MYO15A: variants seen among roughly 807,000 people sequenced by gnomAD.
MYO15A encodes myosin XVA, also known as unconventional myosin-XV.
MYO15A carries 308 observed loss-of-function variants against 394.6 expected under a neutral mutation model. The ratio of observed to expected loss-of-function variants is 0.78; its 90% confidence interval spans 0.71 to 0.86. The LOEUF is 0.86. Among genes scored for constraint, MYO15A ranks in the 40% least tolerant of loss-of-function variants. The pLI, the probability that MYO15A is intolerant of heterozygous loss-of-function variation, is 0.00. For synonymous variants in MYO15A, 1,957 were observed against 2,003.8 expected (o/e 0.98, Z 0.62); for missense variants, 4,606 against 4,799.1 (o/e 0.96, Z 1.19).
At chr17:18,140,045 C>G (rs2046350755) in intron 19 of MYO15A, among the ~76,000 whole-genome samples, 1 of 152,230 alleles carries the variant, frequency 6.6e-6, no homozygotes, top group African/African-American at 2.4e-5. Flanking sequence ...CGGGGAAGAG[C>G]TTGGGGGACC....
At chr17:18,159,823 T>A in intron 55 of MYO15A, 112 bp from the exon 56 acceptor site, 1 of 1,455,368 alleles carries the variant, frequency 6.9e-7, no homozygotes. Context: ...GGGAGGGGGC[T>A]GGGAAAGGGA....
At chr17:18,177,270 T>A (rs967099526) in intron 65 of MYO15A, 11 of 152,212 alleles carry the variant, frequency 7.2e-5, no homozygotes, top group African/African-American at 2.7e-4. Context: ...GCTGGGAGGG[T>A]ATACAGGGGA....
Position 18,121,847 on chromosome 17 carries a change from C to T in MYO15A, c.3047C>T (p.Ala1016Val), listed in dbSNP as rs868743391. ...ACCCCTGAGAAGCCTGAAGAAGAGG[C>T]CACCCTGGGGGACCCCCAGCTGCCA... is the stretch of plus-strand genomic sequence containing the variant. Reference protein sequence around the residue: ...GPTPEKPEEEATLGDPQLPAE... With the variant: ...GPTPEKPEEEVTLGDPQLPAE... Residue 1016 changes from alanine (A) to valine (V), a missense_variant, in exon 2 of 66, where the codon GCC (alanine) becomes GTC (valine). Ala to Val is a moderately conservative substitution (Grantham distance 64). Coordinates refer to ENST00000647165, the MANE Select transcript of MYO15A (RefSeq NM_016239.4). The surrounding 1 kb of genome is among the most constrained non-coding windows in gnomAD (Gnocchi z 5.3). The T allele has an allele frequency of 5.0e-6, 8 of 1,612,704 alleles. 1 individual carries two copies. The highest frequency in any genetic ancestry group is 1.6e-4 in the Middle Eastern group (1 of 6,076).
chr17:18,113,059 G>C (rs1281054832), intron 1 of MYO15A, among the ~76,000 whole-genome samples: 2 of 152,066 alleles, frequency 1.3e-5, no homozygotes, highest in African/African-American at 4.8e-5. Flanking sequence ...GTGTTGCCCA[G>C]GCTGGTCTCG....
At chr17:18,156,122 T>G in intron 47 of MYO15A, 73 bp from the exon 48 acceptor site, 1 of 1,610,270 alleles carries the variant, frequency 6.2e-7, no homozygotes, top group Non-Finnish European at 8.5e-7. Context: ...CAGGACAGGA[T>G]CAGAAGCAGC....
rs1478535846 is a variant in MYO15A at position 18,120,504 on chromosome 17, T to C, written c.1704T>C (p.Pro568=). ...AGTTTGGCCGCCCCGTGCCTCGCCCTGCCACCTCGCTTGCGCGGTTCCTCA... is the reference window on the plus strand; with the variant it reads ...AGTTTGGCCGCCCCGTGCCTCGCCCCGCCACCTCGCTTGCGCGGTTCCTCA... ...GPEFGRPVPR[P]ATSLARFLKK... The change falls in exon 2 of 66, where the codon CCT becomes CCC. Residue 568 remains proline (P), a synonymous_variant. Coordinates refer to ENST00000647165, the MANE Select transcript of MYO15A (RefSeq NM_016239.4). The C allele has an allele frequency of 3.8e-6, 6 of 1,578,130 alleles. No homozygotes were observed. The highest frequency in any genetic ancestry group is 5.1e-6 in the Non-Finnish European group (6 of 1,165,580).
intron 12 of MYO15A, 115 bp downstream of exon 12, chr17:18,133,501 G>GA: frequency 1.5e-6 from 2 of 1,372,792 alleles, no homozygotes; most frequent in Non-Finnish European, 1.9e-6. Context: ...ACTTGTTCCT[G>GA]TTTTTTTCTT....
At position 18,126,379 on chromosome 17, in the gene MYO15A, C is replaced by T; in HGVS notation, c.3789C>T (p.Asn1263=). Residue 1263 remains asparagine, a synonymous_variant, in exon 5 of 66, where the codon AAC becomes AAT. Transcript: ENST00000647165. ...TYIGSILVSV[N]PYQMFGIYGP... Reference sequence around the variant, plus strand: ...TTGGGAGCATCCTGGTGTCGGTGAACCCATACCAAATGTTTGGAATCTATG... The same window carrying T: ...TTGGGAGCATCCTGGTGTCGGTGAATCCATACCAAATGTTTGGAATCTATG... The T allele has an allele frequency of 6.2e-7, 1 of 1,614,052 alleles. No homozygotes were observed. Among genetic ancestry groups the T allele is most frequent in the Non-Finnish European group, 8.5e-7 (1 of 1,179,988 alleles).
Position 18,140,514 on chromosome 17 carries a change from C to T in MYO15A, c.5212-3C>T. On this transcript the variant is annotated splice_region_variant and splice_polypyrimidine_tract_variant and intron_variant, in intron 19 of 65. Transcript: ENST00000647165. ...TGTTTTCCCTGCCCCGACCCCTGCC[C>T]AGGTGGTGGCACACCTCTTCTCCAG... 1 of 1,613,548 alleles carries T rather than the reference C, an allele frequency of 6.2e-7. No homozygotes were observed.
At chr17:18,173,694 A>C in intron 64 of MYO15A, 87 bp from the exon 65 acceptor site, 478 of 1,464,458 alleles carry the variant, frequency 3.3e-4, no homozygotes, top group Non-Finnish European at 4.2e-4. Context: ...CCTGCCTCCT[A>C]CAGATCTGAT....
chr17:18,176,298 G>A (rs967981964), intron 65 of MYO15A, among the ~76,000 whole-genome samples: 4 of 152,114 alleles, frequency 2.6e-5, no homozygotes, highest in Non-Finnish European at 5.9e-5. Flanking sequence ...GAGGCCTCAC[G>A]AAGCTTTTAC....
rs139384623 is a variant in MYO15A, at chr17:18,160,158, T to C, written c.9386+141T>C. On this transcript the variant is annotated intron_variant, in intron 56 of 65. Coordinates refer to ENST00000647165, the MANE Select transcript of MYO15A (RefSeq NM_016239.4). ...CCTCATCCTCACTCAATAGAGCACG[T>C]TTTTTGGAATTACTTGGTCTGGAAC... is the stretch of plus-strand genomic sequence containing the variant. The C allele has an allele frequency of 2.8e-3, 2,260 of 799,060 alleles. 12 individuals carry two copies. The highest frequency in any genetic ancestry group is 5.7e-3 in the Middle Eastern group (22 of 3,844). The allele number at this position is 799,060 out of a possible 1,614,324, so 49.5% of individuals were successfully genotyped here.
Position 18,133,401 on chromosome 17 carries a change from C to G in MYO15A, c.4482+15C>G. ...AGAAGTATGAGGTGAGGGGACGCCACAGCCTGCCATGGGGCCCGCACCCTC... is the reference window on the plus strand; with the variant it reads ...AGAAGTATGAGGTGAGGGGACGCCAGAGCCTGCCATGGGGCCCGCACCCTC... On this transcript the variant is annotated intron_variant, in intron 12 of 65. Coordinates refer to ENST00000647165, the MANE Select transcript of MYO15A (RefSeq NM_016239.4). 1 of 1,613,788 alleles carries G rather than the reference C, an allele frequency of 6.2e-7. No homozygotes were observed. Among genetic ancestry groups the G allele is most frequent in the Non-Finnish European group, 8.5e-7 (1 of 1,179,784 alleles).
Position 18,178,944 on chromosome 17 carries a change from C to T in MYO15A, c.*74C>T, listed in dbSNP as rs952153417. The T allele has an allele frequency of 6.9e-7, 1 of 1,449,644 alleles. No homozygotes were observed. The highest frequency in any genetic ancestry group is 9.5e-7 in the Non-Finnish European group (1 of 1,050,018). 89.8% of individuals were successfully genotyped at this position (1,449,644 alleles called of 1,614,324 possible). A position where few individuals can be genotyped will look rare whatever the true frequency, so the allele number is the denominator to read the frequency against. On this transcript the variant is annotated 3_prime_UTR_variant, in exon 66 of 66. Transcript: ENST00000647165. ...GCCTCAGAGAAATCACTGAACCTCT[C>T]AGGATCAATGACCCCTGTAAGGGGC...
At chr17:18,146,567 A>G (rs1289091609) in intron 30 of MYO15A, among the ~76,000 whole-genome samples, 2 of 152,194 alleles carry the variant, frequency 1.3e-5, no homozygotes, top group Non-Finnish European at 2.9e-5. Context: ...TTTATAGTTT[A>G]TAAGTGTGAT....
rs2047055023 is a variant in MYO15A, at chr17:18,179,083, TAGC to T, written c.*216_*218del. 3.2e-6 allele frequency: 2 copies of T among 618,860 alleles called. No individual in the cohort carries two copies. Among genetic ancestry groups the T allele is most frequent in the Non-Finnish European group, 2.9e-6 (1 of 346,500 alleles). 38.3% of individuals were successfully genotyped at this position (618,860 alleles called of 1,614,324 possible). ...TGGCAGCATGCAAACTTGGATCAGA[TAGC>T]AGGAGGAACTTTCAAAAGTCTGGCC... On this transcript the variant is annotated 3_prime_UTR_variant, in exon 66 of 66. Transcript: ENST00000647165.
rs1480829118 is a variant in MYO15A, at chr17:18,122,016, G to A, written c.3216G>A (p.Arg1072=). ...SYPLAACDQT[R]ATWPPWHRWG... ...CACTGGCTGCGTGTGACCAGACCAG[G>A]GCCACATGGCCACCATGGCACCGCT... Residue 1072 remains arginine, a synonymous_variant, in exon 2 of 66, where the codon AGG becomes AGA. Transcript: ENST00000647165. 6.2e-7 allele frequency: 1 copy of A among 1,612,992 alleles called. No individual in the cohort carries two copies. The highest frequency in any genetic ancestry group is 8.5e-7 in the Non-Finnish European group (1 of 1,180,012).
rs749996108 is a variant in MYO15A, at chr17:18,136,631, T to C, written c.4724T>C (p.Val1575Ala). The change falls in exon 15 of 66, where the codon GTG (valine) becomes GCG (alanine). Residue 1575 changes from valine to alanine, a missense_variant. This residue lies in a region of MYO15A where 2,776 missense variants were observed against 3,109.3 expected (regional missense o/e 0.89). Transcript: ENST00000647165. ...CTCATCACCAGGGTCAACGCGCTGGTGTCCCCAAGGCAGGACACACTGTCC... is the reference window on the plus strand; with the variant it reads ...CTCATCACCAGGGTCAACGCGCTGGCGTCCCCAAGGCAGGACACACTGTCC... ...SWLITRVNAL[V>A]SPRQDTLSIA... The C allele has an allele frequency of 2.5e-6, 4 of 1,613,516 alleles. No individual in the cohort carries two copies. Among genetic ancestry groups the C allele is most frequent in the Admixed American group, 1.7e-5 (1 of 59,992 alleles).
Position 18,152,293 on chromosome 17 carries a change from T to C in MYO15A, c.7966+109T>C, listed in dbSNP as rs1177302158. The stretch of plus-strand genomic sequence containing the variant: ...GTGTGTGTCTATGTCCCTGAGCCCC[T>C]GTGTACATCTTGTGAGCACATTGGT... On this transcript the variant is annotated intron_variant, in intron 42 of 65. Coordinates refer to ENST00000647165, the MANE Select transcript of MYO15A (RefSeq NM_016239.4). The C allele has an allele frequency of 1.4e-5, 15 of 1,079,862 alleles. No individual in the cohort carries two copies. The East Asian group carries it at 3.6e-4, about 26-fold the overall frequency. The allele number at this position is 1,079,862 out of a possible 1,614,324, so 66.9% of individuals were successfully genotyped here.
Sources: gnomAD v4.1 joint callset for allele counts (sites outside exome capture counted in the v4.1 genomes callset) on GRCh38, gnomAD v4.1.1 for gene constraint, gnomAD v4.1.1 regional missense constraint, Gnocchi (gnomAD v3.1) non-coding constraint, MANE v1.5 for transcripts, NCBI Gene and HGNC (gene_info 2026-07-23, HGNC 2026-07-21) for gene names.